DCAF1: variants seen among roughly 807,000 people sequenced by gnomAD.
The protein encoded by DCAF1 is DDB1- and CUL4-associated factor 1.
DCAF1 carries 15 observed loss-of-function variants against 128.0 expected under a neutral mutation model. The ratio of observed to expected loss-of-function variants is 0.12; its 90% CI spans 0.08 to 0.18. The LOEUF is 0.18. Ranked by LOEUF, DCAF1 falls within the 10% of genes least tolerant of loss-of-function variation. The pLI is 1.00. For synonymous variants in DCAF1, 610 were observed against 603.0 expected (o/e 1.01, Z -0.17); for missense variants, 988 against 1,649.5 (o/e 0.60, Z 6.95).
intron 4 of DCAF1, 141 bp from the exon 5 acceptor site, chr3:51,467,017 T>C (rs910860977): frequency 1.5e-6 from 1 of 671,306 alleles, no homozygotes; most frequent in South Asian, 1.9e-5. Context: ...AAAAGATTAT[T>C]GTGCTAAATT....
chr3:51,408,992 G>A (rs1033216161), intron 23 of DCAF1, among the ~76,000 whole-genome samples: 92 of 152,144 alleles, frequency 6.0e-4, no homozygotes, highest in African/African-American at 2.2e-3. Flanking sequence ...TCTACAGGCT[G>A]GGCTCCAGAG....
chr3:51,444,832 C>T (rs889773506), intron 6 of DCAF1, among the ~76,000 whole-genome samples: 4 of 151,732 alleles, frequency 2.6e-5, no homozygotes, highest in Non-Finnish European at 4.4e-5. Flanking sequence ...CCCGCCACCA[C>T]GCCCGGCTAA....
At chr3:51,459,084 G>C (rs1453660588) in intron 6 of DCAF1, among the ~76,000 whole-genome samples, 6 of 152,074 alleles carry the variant, frequency 3.9e-5, no homozygotes, top group Non-Finnish European at 5.9e-5. Flanking sequence ...AGGAAATAGA[G>C]ACACAAAAAA....
chr3:51,411,581 T>C (rs1347614197), intron 23 of DCAF1, among the ~76,000 whole-genome samples: 2 of 152,194 alleles, frequency 1.3e-5, no homozygotes, highest in African/African-American at 2.4e-5. Flanking sequence ...TCTACCCACA[T>C]TTTATATATG....
chr3:51,474,297 G>A (rs1372617236), intron 3 of DCAF1, among the ~76,000 whole-genome samples: 2 of 152,096 alleles, frequency 1.3e-5, no homozygotes, highest in Non-Finnish European at 2.9e-5. Context: ...GTGCATGCCT[G>A]TAATTCCAGC....
At chr3:51,434,007 G>A (rs971893966) in intron 9 of DCAF1, among the ~76,000 whole-genome samples, 7 of 151,496 alleles carry the variant, frequency 4.6e-5, no homozygotes, top group Non-Finnish European at 8.8e-5. Context: ...GCCTGAACCC[G>A]GGAGACGGAG....
rs782063219 is a variant in DCAF1, at chr3:51,416,883, C to A, written c.3519-12G>T. 6.2e-7 allele frequency: 1 copy of A among 1,600,392 alleles called. No individual in the cohort carries two copies. The highest frequency in any genetic ancestry group is 8.5e-7 in the Non-Finnish European group (1 of 1,173,022). On this transcript the variant is annotated splice_polypyrimidine_tract_variant and intron_variant, in intron 17 of 24. Transcript: ENST00000684031. The stretch of plus-strand genomic sequence containing the variant: ...CTGTGAAGGAATGCCTATGGACAAA[C>A]AACAGGAGCACTGAAGTGACAGATC...
rs545514225 is a variant in DCAF1 at position 51,408,478 on chromosome 3, T to C, written c.4212+3901A>G. Among the ~76,000 whole-genome samples, 7 of 152,326 alleles carry C rather than the reference T, an allele frequency of 4.6e-5. No homozygotes were observed. The South Asian group carries it at 1.2e-3, about 27-fold the overall frequency. On this transcript the variant is annotated intron_variant, in intron 23 of 24. Coordinates refer to ENST00000684031, the MANE Select transcript of DCAF1 (RefSeq NM_001387579.1). Reference sequence around the variant, plus strand: ...AAAACTTTGAATAGCAAATGATTCATAGGAAAATGAAAAGTCTCTAGTTTT... The same window carrying C: ...AAAACTTTGAATAGCAAATGATTCACAGGAAAATGAAAAGTCTCTAGTTTT...
chr3:51,414,051 G>A lies in DCAF1; in HGVS notation c.3838-8C>T, dbSNP rs781896324. The A allele has an allele frequency of 6.3e-7, 1 of 1,591,574 alleles. No individual in the cohort carries two copies. The highest frequency in any genetic ancestry group is 8.5e-7 in the Non-Finnish European group (1 of 1,170,384). ...AAAAGTTCGAAGGTCCCACTAGGAG[G>A]GGAATGGTCAAGGAAAACTATTTTA... On this transcript the variant is annotated splice_polypyrimidine_tract_variant and splice_region_variant and intron_variant, in intron 19 of 24. Transcript: ENST00000684031.
At chr3:51,411,797 G>A (rs1305246400) in intron 23 of DCAF1, among the ~76,000 whole-genome samples, 1 of 152,024 alleles carries the variant, frequency 6.6e-6, no homozygotes, top group Admixed American at 6.6e-5. Flanking sequence ...GGGGCACAAA[G>A]AAATCTCTGA....
chr3:51,398,095 C>T lies in DCAF1; in HGVS notation c.*674G>A, dbSNP rs546973717. 3.3e-5 allele frequency: 5 copies of T among 153,044 alleles called. No individual in the cohort carries two copies. Among genetic ancestry groups the T allele is most frequent in the African/African-American group, 4.8e-5 (2 of 41,386 alleles). The allele number at this position is 153,044 out of a possible 1,614,324, so 9.5% of individuals were successfully genotyped here. A position where few individuals can be genotyped will look rare whatever the true frequency, so the allele number is the denominator to read the frequency against. ...AAGGTGAGTGAATTTAGGCATTTAC[C>T]CAGCAGACAGAGTGCCTTCCTCCCC... On this transcript the variant is annotated 3_prime_UTR_variant, in exon 25 of 25. Transcript: ENST00000684031.
At position 51,441,433 on chromosome 3, in the gene DCAF1, C is replaced by T. The variant is rs2107687424; in HGVS notation, c.978G>A (p.Glu326=). 3 of 1,613,850 alleles carry T rather than the reference C, an allele frequency of 1.9e-6. No homozygotes were observed. Among genetic ancestry groups the T allele is most frequent in the Non-Finnish European group, 2.5e-6 (3 of 1,179,860 alleles). ...YTLYPMTPAI[E]QRLILQYLTP... ...TCAAATATTGGAGAATGAGTCGCTG[C>T]TCGATAGCAGGAGTCATAGGATAAA... is the stretch of plus-strand genomic sequence containing the variant. Residue 326 remains glutamate, a synonymous_variant, in exon 8 of 25, where the codon GAG becomes GAA. Transcript: ENST00000684031.
chr3:51,504,192 A>G (rs2108659590), upstream of DCAF1, among the ~76,000 whole-genome samples: 1 of 151,838 alleles, frequency 6.6e-6, no homozygotes, highest in Non-Finnish European at 1.5e-5. Flanking sequence ...GCCCGCCACC[A>G]CGCCTGGCTA....
chr3:51,436,890 G>A (rs1249604172), intron 9 of DCAF1, among the ~76,000 whole-genome samples: 1 of 152,110 alleles, frequency 6.6e-6, no homozygotes, highest in Non-Finnish European at 1.5e-5. Context: ...ATGAAACTTT[G>A]TGCTATTTTC....
At chr3:51,461,276 G>A (rs1427795632) in intron 6 of DCAF1, among the ~76,000 whole-genome samples, 2 of 151,934 alleles carry the variant, frequency 1.3e-5, no homozygotes, top group Non-Finnish European at 2.9e-5. Flanking sequence ...CTTCTCAAAA[G>A]AAGACATTTA....
At chr3:51,490,225 G>A (rs1334071038) in intron 2 of DCAF1, among the ~76,000 whole-genome samples, 7 of 152,066 alleles carry the variant, frequency 4.6e-5, no homozygotes, top group Admixed American at 6.6e-5. Context: ...AGTCCAGCTG[G>A]GGCAACATGG....
chr3:51,442,737 C>A lies in DCAF1; in HGVS notation c.514-840G>T, dbSNP rs556578141. Among the ~76,000 whole-genome samples, 613 of 152,076 alleles carry A rather than the reference C, an allele frequency of 4.0e-3. 2 individuals carry two copies. The highest frequency in any genetic ancestry group is 0.01 in the Middle Eastern group (3 of 294). On this transcript the variant is annotated intron_variant, in intron 7 of 24. Coordinates refer to ENST00000684031, the MANE Select transcript of DCAF1 (RefSeq NM_001387579.1). ...AAAAAAGAGAGGGATTTTGTGTGCA[C>A]TTTACTTTGAACTGCGTTTTTTAAA...
intron 5 of DCAF1, among the ~76,000 whole-genome samples, chr3:51,463,968 C>T (rs1559544331): frequency 6.6e-6 from 1 of 152,104 alleles, no homozygotes; most frequent in African/African-American, 2.4e-5. Flanking sequence ...GATCCTCCAG[C>T]TTCAGCCTCC....
At chr3:51,474,696 C>A (rs1241986492) in intron 3 of DCAF1, among the ~76,000 whole-genome samples, 2 of 151,412 alleles carry the variant, frequency 1.3e-5, no homozygotes, top group Non-Finnish European at 2.9e-5. Flanking sequence ...TCGTACCTCA[C>A]TGCAGCCTCA....
Sources: allele counts gnomAD v4.1 joint callset (sites outside exome capture counted in the v4.1 genomes callset), GRCh38; gene constraint gnomAD v4.1.1; transcripts MANE v1.5; gene names NCBI Gene and HGNC (gene_info 2026-07-23, HGNC 2026-07-21).